Variants in ABCA4 observed in about 807,000 individuals in gnomAD.
The protein encoded by ABCA4 is retinal-specific phospholipid-transporting ATPase ABCA4.
ABCA4 carries 196 observed loss-of-function variants against 263.7 expected under a neutral mutation model. The observed-to-expected ratio is 0.74, with a 90% CI of 0.66 to 0.84. The LOEUF is 0.84. ABCA4 is among the 40% of genes least tolerant of loss of function. The pLI is 0.00. For synonymous variants in ABCA4, 1,133 were observed against 1,094.2 expected (o/e 1.04, Z -0.70); for missense variants, 2,792 against 2,855.1 (o/e 0.98, Z 0.50).
intron 44 of ABCA4, 85 bp from the exon 45 acceptor site, chr1:94,002,077 C>A: frequency 3.1e-6 from 5 of 1,594,986 alleles, no homozygotes; most frequent in Non-Finnish European, 3.4e-6. Flanking sequence ...GCTCCCAGAT[C>A]TCACGCCTCC....
chr1:94,071,901 C>T (rs568214396), intron 11 of ABCA4, among the ~76,000 whole-genome samples: 17 of 152,308 alleles, frequency 1.1e-4, no homozygotes, highest in African/African-American at 1.9e-4. Flanking sequence ...CTCTTTCTCA[C>T]GATCCCCTGA....
At chr1:94,008,662 C>A (rs1043791176) in intron 41 of ABCA4, 89 bp downstream of exon 41, 70 of 1,571,280 alleles carry the variant, frequency 4.5e-5, no homozygotes, top group Middle Eastern at 1.7e-4. Flanking sequence ...CTTGCATAAG[C>A]ATATCAATTG....
chr1:94,068,294 G>A (rs751929380), intron 11 of ABCA4, among the ~76,000 whole-genome samples: 15 of 152,138 alleles, frequency 9.9e-5, no homozygotes, highest in Non-Finnish European at 1.5e-5. Flanking sequence ...AATCCCGAAT[G>A]TCATCCTCCC....
rs1374139712 is a variant in ABCA4 at position 94,117,023 on chromosome 1, TTTCC to T, written c.66+3953_66+3956del. On this transcript the variant is annotated intron_variant, in intron 1 of 49. Transcript: ENST00000370225. Reference sequence around the variant, plus strand: ...CTTTCTTTCTTTCTTTCTTTCTTTCTTTCCTTTTCTTTCTTTCTTCTTCTTTCCT... The same window carrying T: ...CTTTCTTTCTTTCTTTCTTTCTTTCTTTTTCTTTCTTTCTTCTTCTTTCCT... Among the ~76,000 whole-genome samples, 589 of 144,000 alleles carry T rather than the reference TTTCC, an allele frequency of 4.1e-3. 2 individuals carry two copies. The highest frequency in any genetic ancestry group is 6.7e-3 in the African/African-American group (258 of 38,530). The allele number at this position is 144,000 out of a possible 152,430, so 94.5% of individuals were successfully genotyped here. A position where few individuals can be genotyped will look rare whatever the true frequency, so the allele number is the denominator to read the frequency against.
At chr1:93,998,905 A>C (rs867027490) in intron 47 of ABCA4, among the ~76,000 whole-genome samples, 1 of 135,822 alleles carries the variant, frequency 7.4e-6, no homozygotes, top group Non-Finnish European at 1.6e-5. Context: ...CACTCGGCTA[A>C]TTTTTTTTTT....
At position 94,043,030 on chromosome 1, in the gene ABCA4, C is replaced by T. The variant is rs148272696; in HGVS notation, c.3191-132G>A. 3.6e-4 allele frequency: 477 copies of T among 1,335,580 alleles called. 1 individual carries two copies. In the East Asian group the frequency reaches 9.5e-3, roughly 27 times the overall value. 82.7% of individuals were successfully genotyped at this position (1,335,580 alleles called of 1,614,324 possible). ...GGTGCTGCCTCTTAGATGTTTATAG[C>T]GTTCAAAGCCCTAATACTGTTCAGG... On this transcript the variant is annotated intron_variant, in intron 21 of 49. Coordinates refer to ENST00000370225, the MANE Select transcript of ABCA4 (RefSeq NM_000350.3).
intron 11 of ABCA4, among the ~76,000 whole-genome samples, chr1:94,063,536 T>C (rs559089684): frequency 5.3e-5 from 8 of 152,336 alleles, no homozygotes; most frequent in African/African-American, 1.9e-4. Flanking sequence ...GCTGACGTGC[T>C]CTTATCCCTG....
intron 6 of ABCA4, among the ~76,000 whole-genome samples, chr1:94,090,744 CT>C (rs1297643102): frequency 1.3e-5 from 2 of 152,138 alleles, no homozygotes; most frequent in African/African-American, 4.8e-5. Flanking sequence ...TTTTGTTTGT[CT>C]TTTATCTTCT....
chr1:94,005,421 CACA>C lies in ABCA4; in HGVS notation c.6147+17_6147+19del. The C allele has an allele frequency of 6.2e-7, 1 of 1,614,064 alleles. No individual in the cohort carries two copies. The highest frequency in any genetic ancestry group is 8.5e-7 in the Non-Finnish European group (1 of 1,180,000). On this transcript the variant is annotated intron_variant, in intron 44 of 49. Transcript: ENST00000370225. Reference sequence around the variant, plus strand: ...GTAATTAACCAGACTCCTATGTGGCCACAACAAAACATTTTTCACCTTTTCGAT... The same window carrying C: ...GTAATTAACCAGACTCCTATGTGGCCACAAAACATTTTTCACCTTTTCGAT...
At position 94,099,595 on chromosome 1, in the gene ABCA4, A is replaced by C. The variant is rs990990525; in HGVS notation, c.571-604T>G. Among the ~76,000 whole-genome samples the C allele has an allele frequency of 2.6e-5, 4 of 152,314 alleles. No individual in the cohort carries two copies. The East Asian group carries it at 7.7e-4, about 29-fold the overall frequency. On this transcript the variant is annotated intron_variant, in intron 5 of 49. Coordinates refer to ENST00000370225, the MANE Select transcript of ABCA4 (RefSeq NM_000350.3). ...CAGTACCATCAAGGCTTCCTCTCTGAAGGTGGGGTTGAGAAGTAGCTAGAA... is the reference window on the plus strand; with the variant it reads ...CAGTACCATCAAGGCTTCCTCTCTGCAGGTGGGGTTGAGAAGTAGCTAGAA...
At chr1:94,117,006 CT>C (rs150464572) in intron 1 of ABCA4, among the ~76,000 whole-genome samples, 5,791 of 91,498 alleles carry the variant, frequency 0.063, 187 homozygotes, top group East Asian at 0.11. Context: ...TTCTTTCTTT[CT>C]TTCTTTCTTT....
chr1:94,059,271 G>A lies in ABCA4; in HGVS notation c.2160+1266C>T, dbSNP rs942045248. Among the ~76,000 whole-genome samples the A allele has an allele frequency of 6.6e-5, 10 of 152,182 alleles. 1 individual carries two copies. Among genetic ancestry groups the A allele is most frequent in the Admixed American group, 3.9e-4 (6 of 15,286 alleles). On this transcript the variant is annotated intron_variant, in intron 14 of 49. Transcript: ENST00000370225. ...GAAAGAACAAGGGAAACCTAGATAAGGACAAGGGGCTCAGCTCCTCCCCTC... is the reference window on the plus strand; with the variant it reads ...GAAAGAACAAGGGAAACCTAGATAAAGACAAGGGGCTCAGCTCCTCCCCTC...
rs373504964 is a variant in ABCA4 at position 94,086,852 on chromosome 1, C to T, written c.769-3411G>A. Among the ~76,000 whole-genome samples, 25 of 152,236 alleles carry T rather than the reference C, an allele frequency of 1.6e-4. No individual in the cohort carries two copies. The South Asian group carries it at 4.8e-3, about 29-fold the overall frequency. On this transcript the variant is annotated intron_variant, in intron 6 of 49. Coordinates refer to ENST00000370225, the MANE Select transcript of ABCA4 (RefSeq NM_000350.3). Reference sequence around the variant, plus strand: ...TTTCCCTAAAGACTAAGGGTTCCCTCCAAGAATACGAGATCAGCACTGTCT... The same window carrying T: ...TTTCCCTAAAGACTAAGGGTTCCCTTCAAGAATACGAGATCAGCACTGTCT...
intron 49 of ABCA4, among the ~76,000 whole-genome samples, 174 bp from the exon 50 acceptor site, chr1:93,993,416 T>G (rs1187804777): frequency 6.6e-6 from 1 of 152,062 alleles, no homozygotes; most frequent in Non-Finnish European, 1.5e-5. Context: ...TCCTTCTCTA[T>G]GAAATCTATG....
At chr1:94,007,366 G>A (rs1428710287) in intron 43 of ABCA4, among the ~76,000 whole-genome samples, 1 of 152,190 alleles carries the variant, frequency 6.6e-6, no homozygotes, top group Non-Finnish European at 1.5e-5. Context: ...ACCTCTAAGA[G>A]ATTAAGAACC....
chr1:94,077,752 C>A lies in ABCA4; in HGVS notation c.1492G>T (p.Asp498Tyr). ...GTGATGTTAAATATGTCCCTCCAGT[C>A]GAAGTTGGCCATGTCGTCAGCCTGG... ...ESQADDMANF[D>Y]WRDIFNITDR... Residue 498 changes from aspartate to tyrosine, a missense_variant, in exon 11 of 50, where the codon GAC (aspartate) becomes TAC (tyrosine). Physicochemically the swap from Asp to Tyr is radical, Grantham distance 160. Transcript: ENST00000370225. 1 of 1,614,144 alleles carries A rather than the reference C, an allele frequency of 6.2e-7. No individual in the cohort carries two copies. The highest frequency in any genetic ancestry group is 8.5e-7 in the Non-Finnish European group (1 of 1,180,014).
intron 26 of ABCA4, among the ~76,000 whole-genome samples, chr1:94,033,102 C>G (rs1358149864): frequency 2.6e-5 from 4 of 152,098 alleles, no homozygotes; most frequent in Non-Finnish European, 5.9e-5. Context: ...CTCAATCTGC[C>G]TAAATCTGAG....
At chr1:94,079,528 G>A (rs1661632843) in intron 8 of ABCA4, 67 bp from the exon 9 acceptor site, 1 of 1,605,508 alleles carries the variant, frequency 6.2e-7, no homozygotes, top group African/African-American at 1.3e-5. Flanking sequence ...ATAGTCATTA[G>A]TGTATCCACA....
At chr1:94,067,486 A>G (rs2893265) in intron 11 of ABCA4, among the ~76,000 whole-genome samples, 6,574 of 152,312 alleles carry the variant, frequency 0.043, 144 homozygotes, top group Middle Eastern at 0.19. Flanking sequence ...AAAAAAACTT[A>G]AAAGATTCTC....
Sources: gnomAD v4.1 joint callset for allele counts (sites outside exome capture counted in the v4.1 genomes callset) on GRCh38, gnomAD v4.1.1 for gene constraint, MANE v1.5 for transcripts, NCBI Gene and HGNC (gene_info 2026-07-23, HGNC 2026-07-21) for gene names.